RNF220: variants seen among roughly 807,000 people sequenced by gnomAD.
The protein encoded by RNF220 is E3 ubiquitin-protein ligase RNF220.
A neutral mutation model predicts 67.1 loss-of-function variants in RNF220; 7 were observed. The ratio of observed to expected loss-of-function variants is 0.10; its 90% confidence interval spans 0.06 to 0.20. RNF220 has a LOEUF of 0.20. RNF220 is among the 10% of genes least tolerant of loss of function. RNF220 has a pLI of 1.00. For missense variants in RNF220, 565 were observed against 740.3 expected (o/e 0.76, Z 2.75); for synonymous variants, 270 against 283.2 (o/e 0.95, Z 0.47).
At chr1:44,443,713 G>A (rs1651790117) in intron 2 of RNF220, among the ~76,000 whole-genome samples, 1 of 151,910 alleles carries the variant, frequency 6.6e-6, no homozygotes, top group Non-Finnish European at 1.5e-5. Context: ...TTGAAATGTT[G>A]CATACATACA....
intron 2 of RNF220, among the ~76,000 whole-genome samples, chr1:44,535,259 C>G (rs2017744): frequency 0.45 from 68,522 of 151,336 alleles, 15,849 homozygotes; most frequent in Middle Eastern, 0.57. Context: ...TCCTGTCTCA[C>G]CCTCCCAAGT....
chr1:44,586,701 A>G (rs983588026), intron 2 of RNF220, among the ~76,000 whole-genome samples: 6 of 152,228 alleles, frequency 3.9e-5, no homozygotes, highest in Non-Finnish European at 8.8e-5. Flanking sequence ...CACACAACGT[A>G]GAAGACAGAG....
rs1644738244 is a variant in RNF220, at chr1:44,649,670, A to T, written c.1455A>T (p.Glu485Asp). The T allele has an allele frequency of 1.2e-6, 2 of 1,613,992 alleles. No homozygotes were observed. The highest frequency in any genetic ancestry group is 1.7e-6 in the Non-Finnish European group (2 of 1,179,926). The stretch of plus-strand genomic sequence containing the variant: ...GCCTTCCTTTTTACAGAATCACCGA[A>T]GATTCAGCTGTGACCACGTTTGAGG... ...CKNSDIEKIT[E>D]DSAVTTFEAL... Residue 485 changes from glutamate (E) to aspartate (D), a missense_variant, in exon 13 of 15, where the codon GAA (glutamate) becomes GAT (aspartate). By Grantham distance (45) the Glu-to-Asp change is conservative. Coordinates refer to ENST00000361799, the MANE Select transcript of RNF220 (RefSeq NM_018150.4). The surrounding 1 kb of genome is among the most constrained non-coding windows in gnomAD (Gnocchi z 5.9).
intron 2 of RNF220, among the ~76,000 whole-genome samples, chr1:44,568,007 A>C (rs1664152410): frequency 6.6e-6 from 1 of 152,176 alleles, no homozygotes; most frequent in African/African-American, 2.4e-5. Context: ...TCTGTTCCCC[A>C]GTGAGCATCC....
chr1:44,454,026 T>C (rs1292239372), intron 2 of RNF220, among the ~76,000 whole-genome samples: 1 of 152,214 alleles, frequency 6.6e-6, no homozygotes, highest in African/African-American at 2.4e-5. Flanking sequence ...TACACTTGTA[T>C]GAGAGAATGA....
chr1:44,650,294 C>A lies in RNF220; in HGVS notation c.1629+337C>A. On this transcript the variant is annotated intron_variant, in intron 14 of 14. Coordinates refer to ENST00000361799, the MANE Select transcript of RNF220 (RefSeq NM_018150.4). This position sits in a 1 kb window ranked among gnomAD's most constrained non-coding sequence, Gnocchi z 4.3. ...ACAGGACCAGGGCCTTGGCCCCTCCCCCTCCCATTACTAAGCTCCTTCTGC... is the reference window on the plus strand; with the variant it reads ...ACAGGACCAGGGCCTTGGCCCCTCCACCTCCCATTACTAAGCTCCTTCTGC... The A allele has an allele frequency of 2.0e-6, 1 of 501,602 alleles. No individual in the cohort carries two copies. Among genetic ancestry groups the A allele is most frequent in the Non-Finnish European group, 3.6e-6 (1 of 278,468 alleles). 31.1% of individuals were successfully genotyped at this position (501,602 alleles called of 1,614,324 possible).
At chr1:44,517,304 C>T (rs532565586) in intron 2 of RNF220, among the ~76,000 whole-genome samples, 38 of 152,206 alleles carry the variant, frequency 2.5e-4, no homozygotes, top group African/African-American at 7.5e-4. Context: ...CCTGTCTTCC[C>T]GGACCCCCAT....
At chr1:44,607,736 G>A (rs181400277) in intron 2 of RNF220, among the ~76,000 whole-genome samples, 2,043 of 152,024 alleles carry the variant, frequency 0.013, 40 homozygotes, top group East Asian at 0.069. Flanking sequence ...TGATCCGCCC[G>A]CCTCGGCCTC....
chr1:44,563,053 A>G (rs1240973864), intron 2 of RNF220, among the ~76,000 whole-genome samples: 2 of 152,262 alleles, frequency 1.3e-5, no homozygotes, highest in South Asian at 2.1e-4. Context: ...ATGGGCACGA[A>G]TGAAGTGCTT....
intron 2 of RNF220, among the ~76,000 whole-genome samples, chr1:44,532,647 A>G (rs1256565248): frequency 6.6e-6 from 1 of 152,214 alleles, no homozygotes; most frequent in Non-Finnish European, 1.5e-5. Context: ...TGTTTGAATT[A>G]TAACAGTGTG....
At chr1:44,544,904 G>A (rs1323551024) in intron 2 of RNF220, among the ~76,000 whole-genome samples, 2 of 152,222 alleles carry the variant, frequency 1.3e-5, no homozygotes, top group South Asian at 2.1e-4. Flanking sequence ...CTCCCACTGG[G>A]TACAGAGAAA....
At chr1:44,502,163 A>T (rs57353452) in intron 2 of RNF220, among the ~76,000 whole-genome samples, 54 of 113,326 alleles carry the variant, frequency 4.8e-4, no homozygotes, top group East Asian at 1.0e-3. Context: ...TCTCTCACAC[A>T]CACACACACA....
intron 2 of RNF220, among the ~76,000 whole-genome samples, chr1:44,580,702 G>A (rs920536448): frequency 2.0e-5 from 3 of 152,198 alleles, no homozygotes; most frequent in African/African-American, 7.2e-5. Context: ...GACCCTTTGA[G>A]GCTTTATAGA....
chr1:44,455,078 A>AACC (rs1653046723), intron 2 of RNF220, among the ~76,000 whole-genome samples: 1 of 152,210 alleles, frequency 6.6e-6, no homozygotes, highest in African/African-American at 2.4e-5. Context: ...TGCTGGGTTA[A>AACC]ATGGTAAGTT....
intron 2 of RNF220, among the ~76,000 whole-genome samples, chr1:44,535,204 G>A (rs1269130622): frequency 1.4e-5 from 2 of 141,922 alleles, no homozygotes; most frequent in Admixed American, 7.5e-5. Context: ...GCAGTGGCAC[G>A]ATTTCAGCTC....
chr1:44,515,328 G>C (rs558726601), intron 2 of RNF220, among the ~76,000 whole-genome samples: 1 of 152,270 alleles, frequency 6.6e-6, no homozygotes, highest in East Asian at 1.9e-4. Context: ...GATTAACTGA[G>C]GTCAACACAA....
At chr1:44,608,441 T>G (rs1265843187) in intron 2 of RNF220, among the ~76,000 whole-genome samples, 3 of 152,156 alleles carry the variant, frequency 2.0e-5, no homozygotes, top group Non-Finnish European at 2.9e-5. Flanking sequence ...GGTAGTTGGG[T>G]ATTGTTCAGG....
At chr1:44,489,061 C>G (rs1656616012) in intron 2 of RNF220, among the ~76,000 whole-genome samples, 1 of 152,046 alleles carries the variant, frequency 6.6e-6, no homozygotes, top group Non-Finnish European at 1.5e-5. Context: ...AAAAAGTGCT[C>G]ATTACCACTC....
At position 44,614,276 on chromosome 1, in the gene RNF220, A is replaced by G. The variant is rs745550345; in HGVS notation, c.737A>G (p.Gln246Arg). Reference sequence around the variant, plus strand: ...GAGCATATGGAGCAGGAACTGGAGCAGCTAGCCCAACTGCCCTCGAGGTAA... The same window carrying G: ...GAGCATATGGAGCAGGAACTGGAGCGGCTAGCCCAACTGCCCTCGAGGTAA... The part of the protein sequence containing the change: ...LQEHMEQELE[Q>R]LAQLPSSKNS... Residue 246 changes from glutamine to arginine, a missense_variant, in exon 3 of 15, where the codon CAG (glutamine) becomes CGG (arginine). Physicochemically the swap from Gln to Arg is conservative, Grantham distance 43. Transcript: ENST00000361799. The G allele has an allele frequency of 8.7e-6, 14 of 1,613,936 alleles. No homozygotes were observed. The South Asian group carries it at 1.2e-4, about 14-fold the overall frequency.
Sources: allele counts gnomAD v4.1 joint callset (sites outside exome capture counted in the v4.1 genomes callset), GRCh38; gene constraint gnomAD v4.1.1; non-coding constraint Gnocchi (gnomAD v3.1); transcripts MANE v1.5; gene names NCBI Gene and HGNC (gene_info 2026-07-23, HGNC 2026-07-21).